Variants in STAM observed in about 807,000 individuals in gnomAD.
STAM encodes signal transducing adaptor molecule, also known as signal transducing adapter molecule 1.
A neutral mutation model predicts 63.4 loss-of-function variants in STAM; 16 were observed. The ratio of observed to expected loss-of-function variants is 0.25; its 90% CI spans 0.17 to 0.38. The LOEUF (loss-of-function observed/expected upper bound fraction) is 0.38. Ranked by LOEUF, STAM falls within the 10% of genes least tolerant of loss-of-function variation. The pLI is 1.00. For synonymous variants in STAM, 238 were observed against 223.9 expected (o/e 1.06, Z -0.56); for missense variants, 636 against 657.1 (o/e 0.97, Z 0.35).
rs782368626 is a variant in STAM, at chr10:17,708,957, T to TTTA, written c.1385+7_1385+9dup. 6.2e-7 allele frequency: 1 copy of TTTA among 1,612,660 alleles called. No homozygotes were observed. Among genetic ancestry groups the TTTA allele is most frequent in the South Asian group, 1.1e-5 (1 of 90,954 alleles). On this transcript the variant is annotated splice_region_variant and intron_variant, in intron 13 of 13. Coordinates refer to ENST00000377524, the MANE Select transcript of STAM (RefSeq NM_003473.4). ...ACTCAGGCCGCTTACCCAAAGTAAT[T>TTTA]TTACTGTTGATTCTTGTTTGGAGTT...
chr10:17,665,099 G>A (rs1834322575), intron 2 of STAM, among the ~76,000 whole-genome samples: 1 of 151,708 alleles, frequency 6.6e-6, no homozygotes, highest in African/African-American at 2.4e-5. Flanking sequence ...GGAGAAAAGA[G>A]CTATTATTGT....
At chr10:17,707,089 C>T (rs1470636228) in intron 12 of STAM, among the ~76,000 whole-genome samples, 1 of 151,948 alleles carries the variant, frequency 6.6e-6, no homozygotes, top group Non-Finnish European at 1.5e-5. Flanking sequence ...AAACTCATCA[C>T]GGTGAGGTGA....
chr10:17,704,393 G>C, intron 9 of STAM, 38 bp from the exon 10 acceptor site: 1 of 1,558,238 alleles, frequency 6.4e-7, no homozygotes, highest in Non-Finnish European at 8.8e-7. Flanking sequence ...TTGCCTAAAG[G>C]TTGGTAGCTT....
chr10:17,681,572 ATGT>A (rs1835087686), intron 2 of STAM, among the ~76,000 whole-genome samples: 1 of 152,152 alleles, frequency 6.6e-6, no homozygotes. Context: ...TAATTTATAG[ATGT>A]TGATAATGTA....
chr10:17,671,393 C>A (rs1554824071), intron 2 of STAM, among the ~76,000 whole-genome samples: 1 of 152,196 alleles, frequency 6.6e-6, no homozygotes, highest in Non-Finnish European at 1.5e-5. Flanking sequence ...AAATCCCTGG[C>A]ATGAGTCTAG....
rs1554829164 is a variant in STAM, at chr10:17,705,731, C to T, written c.1199C>T (p.Ser400Phe). 6.2e-7 allele frequency: 1 copy of T among 1,611,174 alleles called. No individual in the cohort carries two copies. The highest frequency in any genetic ancestry group is 8.5e-7 in the Non-Finnish European group (1 of 1,179,190). The change falls in exon 12 of 14, where the codon TCT becomes TTT. Residue 400 changes from serine to phenylalanine, a missense_variant. This residue lies in a region of STAM where 532 missense variants were observed against 536.9 expected (regional missense o/e 0.99). Coordinates refer to ENST00000377524, the MANE Select transcript of STAM (RefSeq NM_003473.4). ...QPYYMQSSGV[S>F]GSQVYAGPPP... ...TATTATATGCAGTCATCTGGTGTTT[C>T]TGGTTCTCAGGTAAGCTTTTAGAAG...
intron 2 of STAM, among the ~76,000 whole-genome samples, chr10:17,668,708 C>T (rs1589046897): frequency 6.6e-6 from 1 of 152,162 alleles, no homozygotes; most frequent in East Asian, 1.9e-4. Context: ...TAATTGGGAT[C>T]GTAGACTATA....
At chr10:17,705,142 A>T in intron 11 of STAM, 118 bp downstream of exon 11, 2 of 780,844 alleles carry the variant, frequency 2.6e-6, no homozygotes, top group Non-Finnish European at 2.1e-6. Context: ...ACCAACTCTC[A>T]TTCACATATC....
At chr10:17,704,621 T>G in intron 10 of STAM, 103 bp downstream of exon 10, 3 of 995,516 alleles carry the variant, frequency 3.0e-6, no homozygotes, top group Non-Finnish European at 3.1e-6. Flanking sequence ...AAATGGAACA[T>G]TTCTCACTTC....
rs567285022 is a variant in STAM, at chr10:17,708,678, A to G, written c.1210-98A>G. 125 of 1,257,252 alleles carry G rather than the reference A, an allele frequency of 9.9e-5. No individual in the cohort carries two copies. The African/African-American group carries it at 1.7e-3, about 17-fold the overall frequency. The allele number at this position is 1,257,252 out of a possible 1,614,324, so 77.9% of individuals were successfully genotyped here. ...TTGAAAAAAGGATTCCAGAGTGGTG[A>G]TTTTTCTTGTTTTTGTAACTGAATA... is the stretch of plus-strand genomic sequence containing the variant. On this transcript the variant is annotated intron_variant, in intron 12 of 13. Coordinates refer to ENST00000377524, the MANE Select transcript of STAM (RefSeq NM_003473.4).
intron 4 of STAM, 57 bp downstream of exon 4, chr10:17,684,984 T>C: frequency 7.0e-7 from 1 of 1,428,942 alleles, no homozygotes; most frequent in Non-Finnish European, 9.7e-7. Context: ...TCACATATTT[T>C]ATTGTTTAAA....
intron 1 of STAM, among the ~76,000 whole-genome samples, chr10:17,653,375 G>A (rs1833815040): frequency 6.6e-6 from 1 of 152,198 alleles, no homozygotes; most frequent in South Asian, 2.1e-4. Flanking sequence ...TGGTAAAACA[G>A]GTTGTTTTGA....
At chr10:17,681,286 GT>G (rs1168159823) in intron 2 of STAM, among the ~76,000 whole-genome samples, 33 of 136,824 alleles carry the variant, frequency 2.4e-4, no homozygotes, top group Admixed American at 4.4e-4. Context: ...CTTGGGTTAT[GT>G]TTTCCTTTTC....
At position 17,660,477 on chromosome 10, in the gene STAM, C is replaced by T. The variant is rs782028886; in HGVS notation, c.54C>T (p.Ser18=). 8.0e-5 allele frequency: 128 copies of T among 1,595,000 alleles called. No individual in the cohort carries two copies. The highest frequency in any genetic ancestry group is 1.0e-4 in the Non-Finnish European group (122 of 1,171,270). ...PFDQDVEKAT[S]EMNTAEDWGL... ...TACAATCTACAGAGAAAGCAACCAG[C>T]GAGATGAATACTGCTGAGGACTGGG... The change falls in exon 2 of 14, where the codon AGC becomes AGT. Residue 18 remains serine, a synonymous_variant. Transcript: ENST00000377524.
rs59585445 is a variant in STAM at position 17,706,369 on chromosome 10, CTTTTTTTTTTT to C, written c.1209+645_1209+655del. ...AATCAGAATCCTCAGGGTTGAGGCC[CTTTTTTTTTTT>C]TTTTTTTTTTTTTTTTGAGGCGGAG... On this transcript the variant is annotated intron_variant, in intron 12 of 13. Transcript: ENST00000377524. 1.7e-4 allele frequency among the ~76,000 whole-genome samples: 12 copies of C among 70,200 alleles called. No individual in the cohort carries two copies. The East Asian group carries it at 3.9e-3, about 23-fold the overall frequency. 46.1% of individuals were successfully genotyped at this position (70,200 alleles called of 152,430 possible).
chr10:17,671,884 A>G (rs1290689437), intron 2 of STAM, among the ~76,000 whole-genome samples: 1 of 152,226 alleles, frequency 6.6e-6, no homozygotes, highest in East Asian at 1.9e-4. Context: ...TCTAAAAATC[A>G]TTTATTAATT....
At chr10:17,650,455 T>C (rs1833692264) in intron 1 of STAM, among the ~76,000 whole-genome samples, 1 of 152,226 alleles carries the variant, frequency 6.6e-6, no homozygotes, top group Non-Finnish European at 1.5e-5. Context: ...TTCTCAATTA[T>C]GCTTTTTGTC....
chr10:17,709,455 G>A (rs1453306435), intron 13 of STAM, among the ~76,000 whole-genome samples: 3 of 152,156 alleles, frequency 2.0e-5, no homozygotes, highest in African/African-American at 4.8e-5. Context: ...AAGAAGGTAA[G>A]CACCCTTGTT....
At chr10:17,699,492 T>C (rs530008308) in intron 8 of STAM, among the ~76,000 whole-genome samples, 2 of 152,358 alleles carry the variant, frequency 1.3e-5, no homozygotes, top group African/African-American at 4.8e-5. Context: ...TTAAATTGTT[T>C]TTAAAGATTG....
Sources: gnomAD v4.1 joint callset for allele counts (sites outside exome capture counted in the v4.1 genomes callset) on GRCh38, gnomAD v4.1.1 for gene constraint, gnomAD v4.1.1 regional missense constraint, MANE v1.5 for transcripts, NCBI Gene and HGNC (gene_info 2026-07-23, HGNC 2026-07-21) for gene names.